Variants in EIF3B observed in about 807,000 individuals in gnomAD.
EIF3B encodes the protein eukaryotic translation initiation factor 3 subunit 9.
In EIF3B, 10 loss-of-function variants were observed where a neutral mutation model predicts 104.6. The ratio of observed to expected loss-of-function variants is 0.10; its 90% CI spans 0.06 to 0.16. The LOEUF (loss-of-function observed/expected upper bound fraction) is 0.16, where lower values mean the gene tolerates loss of function less well. EIF3B is among the 10% of genes least tolerant of loss of function. EIF3B has a pLI of 1.00. For missense variants in EIF3B, 1,014 were observed against 1,087.9 expected (o/e 0.93, Z 0.96); for synonymous variants, 542 against 417.2 (o/e 1.30, Z -3.65).
At chr7:2,379,096 T>G in intron 16 of EIF3B, 38 bp from the exon 17 acceptor site, 1 of 1,585,380 alleles carries the variant, frequency 6.3e-7, no homozygotes, top group South Asian at 1.1e-5. Context: ...GAGGCACTTG[T>G]CTTACCAGTT....
Position 2,368,415 on chromosome 7 carries a change from G to T in EIF3B, c.1404-1057G>T, listed in dbSNP as rs111416200. On this transcript the variant is annotated intron_variant, in intron 9 of 18. Coordinates refer to ENST00000360876, the MANE Select transcript of EIF3B (RefSeq NM_001037283.2). ...CCTGCCCGCCTCAGCCTCTCAAAGT[G>T]CAGGGATTACAGGTGTGAGCCACCG... Among the ~76,000 whole-genome samples the T allele has an allele frequency of 6.1e-3, 927 of 152,320 alleles. 8 individuals carry two copies. Among genetic ancestry groups the T allele is most frequent in the African/African-American group, 0.021 (876 of 41,576 alleles).
intron 2 of EIF3B, among the ~76,000 whole-genome samples, chr7:2,361,737 A>G (rs1779740192): frequency 6.6e-6 from 1 of 151,422 alleles, no homozygotes; most frequent in Non-Finnish European, 1.5e-5. Context: ...CTTCTTTCTA[A>G]TCTTGCCTGT....
intron 9 of EIF3B, 97 bp downstream of exon 9, chr7:2,367,142 C>T: frequency 8.6e-7 from 1 of 1,161,766 alleles, no homozygotes; most frequent in African/African-American, 1.6e-5. Context: ...GGCTGGGTGG[C>T]TTATGACAGC....
At chr7:2,355,498 CT>C in intron 1 of EIF3B, 78 bp downstream of exon 1, 1 of 1,396,880 alleles carries the variant, frequency 7.2e-7, no homozygotes, top group Non-Finnish European at 9.3e-7. Flanking sequence ...TATCGTCGGG[CT>C]GTGCCACCGG....
intron 5 of EIF3B, among the ~76,000 whole-genome samples, chr7:2,363,973 CAG>C (rs1176254352): frequency 6.6e-6 from 1 of 152,152 alleles, no homozygotes; most frequent in African/African-American, 2.4e-5. Context: ...TAAGAGTTTG[CAG>C]AATAGGCCGG....
chr7:2,370,772 A>G (rs1373435248), intron 10 of EIF3B, among the ~76,000 whole-genome samples: 1 of 151,688 alleles, frequency 6.6e-6, no homozygotes, highest in East Asian at 2.0e-4. Context: ...CTCCACAGAT[A>G]ATTTTTAAAA....
intron 1 of EIF3B, among the ~76,000 whole-genome samples, chr7:2,356,814 A>G (rs1402580691): frequency 6.6e-6 from 1 of 152,128 alleles, no homozygotes; most frequent in African/African-American, 2.4e-5. Flanking sequence ...ATTAAAAAAT[A>G]AAAACGCTGT....
chr7:2,356,612 AAAAAAAG>A (rs1279239475), intron 1 of EIF3B, among the ~76,000 whole-genome samples: 41 of 150,972 alleles, frequency 2.7e-4, no homozygotes, highest in African/African-American at 1.0e-3. Flanking sequence ...CAAAAAAAAA[AAAAAAAG>A]AAAAAGAAAA....
At chr7:2,376,919 T>C in intron 14 of EIF3B, 31 bp from the exon 15 acceptor site, 1 of 1,602,086 alleles carries the variant, frequency 6.2e-7, no homozygotes, top group Non-Finnish European at 8.5e-7. Context: ...CTGACCCCTC[T>C]GTGTCCTGGT....
chr7:2,367,636 A>C (rs1378939809), intron 9 of EIF3B, among the ~76,000 whole-genome samples: 1 of 151,094 alleles, frequency 6.6e-6, no homozygotes, highest in African/African-American at 2.4e-5. Context: ...AGCCCGGCTA[A>C]TTTTTGTATT....
At chr7:2,367,743 C>T (rs889448870) in intron 9 of EIF3B, among the ~76,000 whole-genome samples, 3 of 150,904 alleles carry the variant, frequency 2.0e-5, no homozygotes, top group African/African-American at 7.3e-5. Context: ...GCTGAGATTA[C>T]AGGCGTGAGC....
chr7:2,357,159 C>T (rs1051727353), intron 1 of EIF3B, among the ~76,000 whole-genome samples: 1 of 152,212 alleles, frequency 6.6e-6, no homozygotes, highest in African/African-American at 2.4e-5. Flanking sequence ...TTGAGCCCAT[C>T]GAATTCACAG....
At chr7:2,361,620 C>A (rs1779732088) in intron 2 of EIF3B, among the ~76,000 whole-genome samples, 1 of 151,840 alleles carries the variant, frequency 6.6e-6, no homozygotes, top group African/African-American at 2.4e-5. Flanking sequence ...GGGGTTTCAC[C>A]ATGTTAGCCA....
At chr7:2,364,918 C>A (rs947827008) in intron 6 of EIF3B, among the ~76,000 whole-genome samples, 1 of 152,204 alleles carries the variant, frequency 6.6e-6, no homozygotes, top group Non-Finnish European at 1.5e-5. Context: ...ATAATACTTA[C>A]TTTCCTTCAG....
intron 8 of EIF3B, 131 bp downstream of exon 8, chr7:2,366,722 T>G: frequency 9.2e-7 from 1 of 1,091,642 alleles, no homozygotes; most frequent in Non-Finnish European, 1.3e-6. Flanking sequence ...CTGTCTCCTG[T>G]GCCTTTTTAA....
chr7:2,378,807 C>A (rs540192136), intron 16 of EIF3B, 41 bp downstream of exon 16: 2 of 1,564,444 alleles, frequency 1.3e-6, no homozygotes, highest in Non-Finnish European at 1.8e-6. Context: ...CTGTGACATC[C>A]GCCATCATGG....
At position 2,355,129 on chromosome 7, in the gene EIF3B, C is replaced by T. The variant is rs1228059961; in HGVS notation, c.208C>T (p.Pro70Ser). The change falls in exon 1 of 19, where the codon CCG becomes TCG. Residue 70 changes from proline (P) to serine (S), a missense_variant. By Grantham distance (74) the Pro-to-Ser change is moderately conservative. This residue lies in a region of EIF3B where 488 missense variants were observed against 404.3 expected (regional missense o/e 1.21). Coordinates refer to ENST00000360876, the MANE Select transcript of EIF3B (RefSeq NM_001037283.2). ...AGPESEVRTE[P>S]AAEAEAASGP... ...GCCGGAGTCCGAGGTGAGGACCGAG[C>T]CGGCGGCCGAGGCAGAGGCGGCCTC... The T allele has an allele frequency of 2.4e-5, 33 of 1,403,096 alleles. No individual in the cohort carries two copies. The highest frequency in any genetic ancestry group is 3.5e-5 in the Admixed American group (1 of 28,804). The allele number at this position is 1,403,096 out of a possible 1,614,324, so 86.9% of individuals were successfully genotyped here. A position where few individuals can be genotyped will look rare whatever the true frequency, so the allele number is the denominator to read the frequency against.
At position 2,354,864 on chromosome 7, in the gene EIF3B, C is replaced by T. The variant is rs1422527429; in HGVS notation, c.-58C>T. On this transcript the variant is annotated 5_prime_UTR_variant, in exon 1 of 19. Coordinates refer to ENST00000360876, the MANE Select transcript of EIF3B (RefSeq NM_001037283.2). ...TAGCCGTCGCGGCGCGCGGTGCGGC[C>T]TGGGAGAGTCGGAAGCGCGGCGGCC... 13 of 1,105,962 alleles carry T rather than the reference C, an allele frequency of 1.2e-5. No individual in the cohort carries two copies. The highest frequency in any genetic ancestry group is 5.3e-5 in the East Asian group (1 of 18,790). 68.5% of individuals were successfully genotyped at this position (1,105,962 alleles called of 1,614,324 possible).
At position 2,355,069 on chromosome 7, in the gene EIF3B, G is replaced by A. The variant is rs1173107097; in HGVS notation, c.148G>A (p.Ala50Thr). The A allele has an allele frequency of 1.4e-5, 18 of 1,257,276 alleles. No individual in the cohort carries two copies. The highest frequency in any genetic ancestry group is 1.6e-5 in the Non-Finnish European group (16 of 1,001,846). 77.9% of individuals were successfully genotyped at this position (1,257,276 alleles called of 1,614,324 possible). A position where few individuals can be genotyped will look rare whatever the true frequency, so the allele number is the denominator to read the frequency against. ...CGCTCCGGAGGCCGCGGGGACCGAG[G>A]CCTCCAGTGAGGAGGTGGGGATCGC... ...PGAPEAAGTEASSEEVGIAEA... is the reference protein window; with the variant it reads ...PGAPEAAGTETSSEEVGIAEA... Residue 50 changes from alanine (A) to threonine (T), a missense_variant, in exon 1 of 19, where the codon GCC becomes ACC. By Grantham distance (58) the Ala-to-Thr change is moderately conservative (BLOSUM62 0). Coordinates refer to ENST00000360876, the MANE Select transcript of EIF3B (RefSeq NM_001037283.2).
Sources: allele counts gnomAD v4.1 joint callset (sites outside exome capture counted in the v4.1 genomes callset), GRCh38; gene constraint gnomAD v4.1.1; regional missense constraint gnomAD v4.1.1; transcripts MANE v1.5; gene names NCBI Gene and HGNC (gene_info 2026-07-23, HGNC 2026-07-21).